Variants in HSD17B12 observed in about 807,000 individuals in gnomAD.
The protein encoded by HSD17B12 is very-long-chain 3-oxoacyl-CoA reductase.
HSD17B12 carries 32 observed loss-of-function variants against 39.3 expected under a neutral mutation model. The observed-to-expected ratio is 0.81, with a 90% confidence interval of 0.61 to 1.09. The LOEUF is 1.09. Among genes scored for constraint, HSD17B12 ranks in the 50% least tolerant of loss-of-function variants. The pLI is 0.00. For synonymous variants in HSD17B12, 150 were observed against 146.7 expected, an observed-to-expected ratio of 1.02 and a Z score of -0.16; for missense variants, 342 against 382.9, an observed-to-expected ratio of 0.89 and a Z score of 0.89.
At chr11:43,560,721 C>T in the HSD17B12 span, among the ~76,000 whole-genome samples, 14 of 152,210 alleles carry the variant, frequency 9.2e-5, no homozygotes, top group East Asian at 2.5e-3. Context: ...GGTTCAAAGA[C>T]AAAATTTTTA....
At chr11:43,771,188 CTTTT>C (rs1157156813) in intron 3 of HSD17B12, among the ~76,000 whole-genome samples, 3 of 152,136 alleles carry the variant, frequency 2.0e-5, no homozygotes, top group Non-Finnish European at 4.4e-5. Flanking sequence ...AGTATAGTTT[CTTTT>C]GAGTTTTGGC....
chr11:43,780,510 T>C (rs1038679416), intron 3 of HSD17B12, among the ~76,000 whole-genome samples: 1 of 152,188 alleles, frequency 6.6e-6, no homozygotes, highest in Non-Finnish European at 1.5e-5. Flanking sequence ...ACATATGTAA[T>C]GTATGTGCAT....
chr11:43,681,205 C>T lies in HSD17B12; in HGVS notation c.160+218C>T. ...TAAGGTACGAAATACACTGCTCGCT[C>T]AATCCTGGGAATCTAAGCTCAGCTT... On this transcript the variant is annotated intron_variant, in intron 1 of 10. Transcript: ENST00000278353. 2.3e-6 allele frequency: 3 copies of T among 1,295,864 alleles called. No homozygotes were observed. In the East Asian group the frequency reaches 9.3e-5, roughly 40 times the overall value. The allele number at this position is 1,295,864 out of a possible 1,614,324, so 80.3% of individuals were successfully genotyped here. A position where few individuals can be genotyped will look rare whatever the true frequency, so the allele number is the denominator to read the frequency against.
chr11:43,616,896 C>A, the HSD17B12 span, among the ~76,000 whole-genome samples: 1 of 148,898 alleles, frequency 6.7e-6, no homozygotes, highest in Non-Finnish European at 1.5e-5. Flanking sequence ...TACTTGAACC[C>A]GGGAGGTGGA....
intron 9 of HSD17B12, among the ~76,000 whole-genome samples, chr11:43,841,476 T>A (rs1951425324): frequency 6.6e-6 from 1 of 152,222 alleles, no homozygotes; most frequent in South Asian, 2.1e-4. Context: ...AAATCCAGTG[T>A]CATGAAGCTT....
chr11:43,584,513 C>T, the HSD17B12 span: 1 of 152,434 alleles, frequency 6.6e-6, no homozygotes, highest in African/African-American at 2.4e-5. Context: ...CTCCCATTCT[C>T]CTTCTGAGAC....
At chr11:43,844,504 G>A (rs1207214935) in intron 9 of HSD17B12, among the ~76,000 whole-genome samples, 2 of 151,948 alleles carry the variant, frequency 1.3e-5, no homozygotes, top group Admixed American at 6.6e-5. Context: ...CTTATCATAA[G>A]TGTAGTCTGT....
intron 1 of HSD17B12, among the ~76,000 whole-genome samples, chr11:43,715,528 A>G (rs541785265): frequency 3.2e-4 from 48 of 152,284 alleles, no homozygotes; most frequent in African/African-American, 1.1e-3. Flanking sequence ...TTGGTTTGCC[A>G]GTATTTTATT....
chr11:43,744,480 A>G (rs1174132545), intron 1 of HSD17B12, among the ~76,000 whole-genome samples: 1 of 152,206 alleles, frequency 6.6e-6, no homozygotes, highest in Non-Finnish European at 1.5e-5. Flanking sequence ...ATGATTTCCT[A>G]CTTAGAATTC....
At chr11:43,744,219 C>G (rs1950393857) in intron 1 of HSD17B12, among the ~76,000 whole-genome samples, 1 of 151,984 alleles carries the variant, frequency 6.6e-6, no homozygotes, top group African/African-American at 2.4e-5. Context: ...ACATAAGAAA[C>G]TTTTCAGAAC....
At chr11:43,761,874 C>T (rs7944649) in intron 3 of HSD17B12, among the ~76,000 whole-genome samples, 4,977 of 152,284 alleles carry the variant, frequency 0.033, 292 homozygotes, top group African/African-American at 0.11. Context: ...CTACCATACT[C>T]TGTTGGTCAA....
At chr11:43,658,728 G>A in the HSD17B12 span, among the ~76,000 whole-genome samples, 1 of 152,200 alleles carries the variant, frequency 6.6e-6, no homozygotes, top group African/African-American at 2.4e-5. Flanking sequence ...AACCACAAAT[G>A]CTGCTGCCTG....
chr11:43,795,053 A>G (rs1950904373), intron 3 of HSD17B12, among the ~76,000 whole-genome samples: 1 of 152,102 alleles, frequency 6.6e-6, no homozygotes, highest in South Asian at 2.1e-4. Context: ...AGGTGTGAAG[A>G]TGGAAATGAG....
At chr11:43,772,920 G>A (rs113198638) in intron 3 of HSD17B12, among the ~76,000 whole-genome samples, 9,879 of 152,200 alleles carry the variant, frequency 0.065, 426 homozygotes, top group Middle Eastern at 0.18. Flanking sequence ...AGACCAGCCT[G>A]GGCAATATAG....
intron 3 of HSD17B12, among the ~76,000 whole-genome samples, chr11:43,763,095 A>G (rs932553367): frequency 3.9e-5 from 6 of 152,172 alleles, no homozygotes; most frequent in African/African-American, 1.2e-4. Context: ...CGGTTAATCA[A>G]GAAGCACTGA....
At chr11:43,655,260 C>G in the HSD17B12 span, among the ~76,000 whole-genome samples, 1 of 152,100 alleles carries the variant, frequency 6.6e-6, no homozygotes, top group Non-Finnish European at 1.5e-5. Context: ...GATTTTGTAT[C>G]CTGAGACTTT....
intron 1 of HSD17B12, among the ~76,000 whole-genome samples, chr11:43,730,922 G>T (rs1395570899): frequency 6.6e-6 from 1 of 152,166 alleles, no homozygotes; most frequent in African/African-American, 2.4e-5. Flanking sequence ...ATCTCTTAGT[G>T]AGGTGAGACA....
intron 1 of HSD17B12, among the ~76,000 whole-genome samples, chr11:43,703,879 AT>A (rs973679512): frequency 1.3e-5 from 2 of 149,362 alleles, no homozygotes; most frequent in African/African-American, 2.5e-5. Context: ...GATCTTTTGT[AT>A]TTTTTTTCCA....
chr11:43,624,608 C>A, the HSD17B12 span, among the ~76,000 whole-genome samples: 2 of 151,646 alleles, frequency 1.3e-5, no homozygotes, highest in East Asian at 1.9e-4. Flanking sequence ...AAATAACAAT[C>A]AAGCTATGAA....
Sources: allele counts gnomAD v4.1 joint callset (sites outside exome capture counted in the v4.1 genomes callset), GRCh38; gene constraint gnomAD v4.1.1; transcripts MANE v1.5; gene names NCBI Gene and HGNC (gene_info 2026-07-23, HGNC 2026-07-21).